RSPH6A: variants seen among roughly 807,000 people sequenced by gnomAD.
The protein encoded by RSPH6A is radial spoke head 6 homolog A.
A neutral mutation model predicts 66.1 loss-of-function variants in RSPH6A; 49 were observed. The ratio of observed to expected loss-of-function variants is 0.74; its 90% CI spans 0.59 to 0.94. The LOEUF (loss-of-function observed/expected upper bound fraction) is 0.94. Among genes scored for constraint, RSPH6A ranks in the 40% least tolerant of loss-of-function variants. The probability of loss-of-function intolerance (pLI) is 0.00; values close to 1 mark genes in which losing one functional copy is unlikely to be tolerated. For synonymous variants in RSPH6A, 419 were observed against 402.4 expected, an observed-to-expected ratio of 1.04 and a Z score of -0.49; for missense variants, 977 against 948.3, an observed-to-expected ratio of 1.03 and a Z score of -0.40.
chr19:45,810,900 G>T, intron 1 of RSPH6A, 60 bp from the exon 2 acceptor site: 1 of 1,429,446 alleles, frequency 7.0e-7, no homozygotes, highest in Non-Finnish European at 9.6e-7. Context: ...CACTGAGCTG[G>T]CTCCCATGTG....
At chr19:45,803,920 G>A (rs1970505039) in intron 3 of RSPH6A, among the ~76,000 whole-genome samples, 1 of 151,068 alleles carries the variant, frequency 6.6e-6, no homozygotes, top group Non-Finnish European at 1.5e-5. Flanking sequence ...TTGAACCCAG[G>A]AGGTGGAGGT....
intron 2 of RSPH6A, among the ~76,000 whole-genome samples, chr19:45,807,307 C>A (rs1257166115): frequency 1.3e-5 from 2 of 151,402 alleles, no homozygotes; most frequent in African/African-American, 4.9e-5. Context: ...GCTCCGCCTC[C>A]CGGGTTCACG....
rs1472675162 is a variant in RSPH6A, at chr19:45,802,209, C to CTCAGGTCCTCCTCCTCCT, written c.1708_1709insAGGAGGAGGAGGACCTGA (p.Gly570delinsGluGluGluGluAspLeuArg). The CTCAGGTCCTCCTCCTCCT allele has an allele frequency of 6.5e-7, 1 of 1,548,408 alleles. No homozygotes were observed. Among genetic ancestry groups the CTCAGGTCCTCCTCCTCCT allele is most frequent in the Non-Finnish European group, 8.7e-7 (1 of 1,143,290 alleles). ...CTCATCTGCCTTCTCTTCCTCCTCC[C>CTCAGGTCCTCCTCCTCCT]CCAGGTCCTCCTCCTCCTCTGTCTT... On this transcript the variant is annotated protein_altering_variant, in exon 4 of 6. Transcript: ENST00000221538.
chr19:45,814,318 G>A (rs1296684230), intron 1 of RSPH6A, among the ~76,000 whole-genome samples: 1 of 152,204 alleles, frequency 6.6e-6, no homozygotes, highest in Non-Finnish European at 1.5e-5. Context: ...GCTCATCTCC[G>A]GTGAGAATTA....
intron 5 of RSPH6A, among the ~76,000 whole-genome samples, chr19:45,796,973 G>C (rs958878657): frequency 6.6e-5 from 10 of 152,168 alleles, no homozygotes; most frequent in African/African-American, 1.9e-4. Flanking sequence ...GGAGGCTGAG[G>C]GGGGAGGATT....
chr19:45,803,961 C>A (rs1014970424), intron 3 of RSPH6A, among the ~76,000 whole-genome samples: 1 of 144,408 alleles, frequency 6.9e-6, no homozygotes, highest in Non-Finnish European at 1.5e-5. Context: ...CCACTGCACT[C>A]CATCCTGGGT....
At chr19:45,802,983 C>T (rs1328498937) in intron 3 of RSPH6A, among the ~76,000 whole-genome samples, 5 of 150,678 alleles carry the variant, frequency 3.3e-5, no homozygotes, top group East Asian at 2.0e-4. Context: ...CTGAGGCGGG[C>T]GGATCACGAG....
In RSPH6A at chr19:45,810,822, A is replaced by T. The variant is rs1339730620; in HGVS notation, c.669T>A (p.Asn223Lys). 6.2e-7 allele frequency: 1 copy of T among 1,610,284 alleles called. No individual in the cohort carries two copies. The highest frequency in any genetic ancestry group is 8.5e-7 in the Non-Finnish European group (1 of 1,177,172). ...CDLSLYEHLV[N>K]LLTKILNQRP... Reference sequence around the variant, plus strand: ...GCTGGTTCAGGATCTTGGTCAGCAGATTCACCAGGTGCTCGTACCTGCCTC... The same window carrying T: ...GCTGGTTCAGGATCTTGGTCAGCAGTTTCACCAGGTGCTCGTACCTGCCTC... Residue 223 changes from asparagine (N) to lysine (K), a missense_variant, in exon 2 of 6, where the codon AAT (asparagine) becomes AAA (lysine). By Grantham distance (94) the Asn-to-Lys change is moderately conservative. Coordinates refer to ENST00000221538, the MANE Select transcript of RSPH6A (RefSeq NM_030785.4).
rs528618379 is a variant in RSPH6A at position 45,807,308 on chromosome 19, C to T, written c.889-2292G>A. ...TCAACTCACTGCAAGCTCCGCCTCC[C>T]GGGTTCACGCCATTCTCCTGCCTCA... On this transcript the variant is annotated intron_variant, in intron 2 of 5. Coordinates refer to ENST00000221538, the MANE Select transcript of RSPH6A (RefSeq NM_030785.4). 2.3e-3 allele frequency among the ~76,000 whole-genome samples: 299 copies of T among 130,568 alleles called. 2 individuals are homozygous for T. The highest frequency in any genetic ancestry group is 8.2e-3 in the African/African-American group (279 of 34,136). 85.7% of individuals were successfully genotyped at this position (130,568 alleles called of 152,430 possible). A position where few individuals can be genotyped will look rare whatever the true frequency, so the allele number is the denominator to read the frequency against.
Position 45,802,269 on chromosome 19 carries a change from G to T in RSPH6A, c.1654-5C>A. 7.2e-7 allele frequency: 1 copy of T among 1,379,876 alleles called. No homozygotes were observed. Among genetic ancestry groups the T allele is most frequent in the East Asian group, 2.9e-5 (1 of 34,816 alleles). 85.5% of individuals were successfully genotyped at this position (1,379,876 alleles called of 1,614,324 possible). A position where few individuals can be genotyped will look rare whatever the true frequency, so the allele number is the denominator to read the frequency against. On this transcript the variant is annotated splice_region_variant and splice_polypyrimidine_tract_variant and intron_variant, in intron 3 of 5. Coordinates refer to ENST00000221538, the MANE Select transcript of RSPH6A (RefSeq NM_030785.4). The stretch of plus-strand genomic sequence containing the variant: ...GTTCACCCAAGTGCAGCGGCCCTGG[G>T]GGTGGGGGGAAGCTCAGGTGATGGC...
intron 3 of RSPH6A, among the ~76,000 whole-genome samples, chr19:45,803,602 G>C (rs1388246488): frequency 6.6e-6 from 1 of 151,182 alleles, no homozygotes; most frequent in East Asian, 2.0e-4. Context: ...GCTTGAACTA[G>C]GGAGGCGGAG....
Position 45,796,987 on chromosome 19 carries a change from G to A in RSPH6A, c.1917-881C>T, listed in dbSNP as rs573269966. Among the ~76,000 whole-genome samples, 13 of 151,768 alleles carry A rather than the reference G, an allele frequency of 8.6e-5. No individual in the cohort carries two copies. The South Asian group carries it at 1.7e-3, about 19-fold the overall frequency. On this transcript the variant is annotated intron_variant, in intron 5 of 5. Coordinates refer to ENST00000221538, the MANE Select transcript of RSPH6A (RefSeq NM_030785.4). ...GGGAGGCTGAGGGGGGAGGATTGCCGGAGCCCAGGAGTTTGAGGCTGCAGT... is the reference window on the plus strand; with the variant it reads ...GGGAGGCTGAGGGGGGAGGATTGCCAGAGCCCAGGAGTTTGAGGCTGCAGT...
chr19:45,797,482 A>G (rs1233972232), intron 5 of RSPH6A, among the ~76,000 whole-genome samples: 1 of 152,142 alleles, frequency 6.6e-6, no homozygotes, highest in Non-Finnish European at 1.5e-5. Flanking sequence ...TATGTTGGAT[A>G]TCAATTTATT....
Position 45,804,654 on chromosome 19 carries a change from C to G in RSPH6A, c.1251G>C (p.Glu417Asp), listed in dbSNP as rs45456391. 6.2e-4 allele frequency: 1,006 copies of G among 1,614,156 alleles called. 2 individuals are homozygous for G. The highest frequency in any genetic ancestry group is 8.0e-4 in the Non-Finnish European group (949 of 1,180,030). Residue 417 changes from glutamate to aspartate, a missense_variant, in exon 3 of 6, where the codon GAG (glutamate) becomes GAC (aspartate). Transcript: ENST00000221538. This position sits in a 1 kb window ranked among gnomAD's most constrained non-coding sequence, Gnocchi z 5.8. The part of the protein sequence containing the change: ...VWKPPPVIPK[E>D]ESRSGANKYL... ...ACTTGTTGGCGCCTGAGCGGCTCTCCTCCTTGGGGATCACGGGCGGCGGCT... is the reference window on the plus strand; with the variant it reads ...ACTTGTTGGCGCCTGAGCGGCTCTCGTCCTTGGGGATCACGGGCGGCGGCT...
rs1970402078 is a variant in RSPH6A at position 45,795,880 on chromosome 19, T to TCTCCTCTCCCTCCTCCTC, written c.2142_2143insGAGGAGGAGGGAGAGGAG (p.Glu709_Glu714dup). On this transcript the variant is annotated inframe_insertion, in exon 6 of 6. Transcript: ENST00000221538. ...CTAGAGGGTGGGCCTCAGTCATCTGTCTCCTCGCCCTCCTCCTCCTCCTCG... is the reference window on the plus strand; with the variant it reads ...CTAGAGGGTGGGCCTCAGTCATCTGTCTCCTCTCCCTCCTCCTCCTCCTCGCCCTCCTCCTCCTCCTCG... The TCTCCTCTCCCTCCTCCTC allele has an allele frequency of 1.3e-6, 2 of 1,565,592 alleles. No individual in the cohort carries two copies. The highest frequency in any genetic ancestry group is 1.7e-6 in the Non-Finnish European group (2 of 1,151,822).
At position 45,814,610 on chromosome 19, in the gene RSPH6A, C is replaced by A; in HGVS notation, c.567G>T (p.Val189=). Residue 189 remains valine, a synonymous_variant, in exon 1 of 6, where the codon GTG becomes GTT. Coordinates refer to ENST00000221538, the MANE Select transcript of RSPH6A (RefSeq NM_030785.4). The stretch of plus-strand genomic sequence containing the variant: ...CCAGCTCCAGAGGCTCGGGCTCAGG[C>A]ACCTGGGCACTGTAGTGTGGGAAGC... ...ELGFPHYSAQ[V]PEPEPLELAV... is the part of the protein sequence containing the mutation. 1 of 1,581,610 alleles carries A rather than the reference C, an allele frequency of 6.3e-7. No homozygotes were observed. Among genetic ancestry groups the A allele is most frequent in the South Asian group, 1.2e-5 (1 of 85,698 alleles).
intron 2 of RSPH6A, among the ~76,000 whole-genome samples, chr19:45,805,898 A>G (rs1970537803): frequency 1.3e-5 from 2 of 152,142 alleles, no homozygotes; most frequent in South Asian, 4.1e-4. Context: ...GGGATATAAG[A>G]TCTGGAGCCA....
intron 5 of RSPH6A, among the ~76,000 whole-genome samples, chr19:45,797,590 C>T (rs8107744): frequency 6.6e-6 from 1 of 151,926 alleles, no homozygotes; most frequent in Non-Finnish European, 1.5e-5. Context: ...CTAGACAAAA[C>T]TCCCTGCCAG....
Position 45,802,173 on chromosome 19 carries a change from T to G in RSPH6A, c.1745A>C (p.Glu582Ala). The G allele has an allele frequency of 6.4e-7, 1 of 1,560,368 alleles. No individual in the cohort carries two copies. The change falls in exon 4 of 6, where the codon GAG becomes GCG. Residue 582 changes from glutamate (E) to alanine (A), a missense_variant. By Grantham distance (107) the Glu-to-Ala change is moderately radical (BLOSUM62 -1). Coordinates refer to ENST00000221538, the MANE Select transcript of RSPH6A (RefSeq NM_030785.4). ...TGGGGGGCCAACCTCCTGCTCCACC[T>G]CCTCTGGCCCCTCATCTGCCTTCTC... ...EEEKADEGPE[E>A]VEQEVGPPLL...
Sources: allele counts gnomAD v4.1 joint callset (sites outside exome capture counted in the v4.1 genomes callset), GRCh38; gene constraint gnomAD v4.1.1; non-coding constraint Gnocchi (gnomAD v3.1); transcripts MANE v1.5; gene names NCBI Gene and HGNC (gene_info 2026-07-23, HGNC 2026-07-21).